Variants in SPAG17 observed in about 807,000 individuals in gnomAD.
The protein encoded by SPAG17 is sperm-associated antigen 17.
A neutral mutation model predicts 273.6 loss-of-function variants in SPAG17; 169 were observed. The ratio of observed to expected loss-of-function variants is 0.62; its 90% CI spans 0.55 to 0.70. SPAG17 has a LOEUF of 0.70. SPAG17 is among the 30% of genes least tolerant of loss of function. The probability of loss-of-function intolerance (pLI) is 0.00; values close to 1 mark genes in which losing one functional copy is unlikely to be tolerated. For synonymous variants in SPAG17, 825 were observed against 873.2 expected (o/e 0.94, Z 0.97); for missense variants, 2,557 against 2,627.8 (o/e 0.97, Z 0.59).
chr1:118,120,674 T>C (rs1657370239), intron 3 of SPAG17, among the ~76,000 whole-genome samples: 1 of 152,180 alleles, frequency 6.6e-6, no homozygotes, highest in Non-Finnish European at 1.5e-5. Context: ...TTTGTTTGGA[T>C]TTAGATAAAC....
chr1:118,074,284 G>A (rs1396671996), intron 16 of SPAG17, among the ~76,000 whole-genome samples: 1 of 152,252 alleles, frequency 6.6e-6, no homozygotes, highest in East Asian at 1.9e-4. Flanking sequence ...GTGAGCAGGT[G>A]TTTGTGAGGT....
At chr1:118,023,608 A>C in intron 27 of SPAG17, 145 bp from the exon 28 acceptor site, 1 of 548,802 alleles carries the variant, frequency 1.8e-6, no homozygotes, top group Non-Finnish European at 2.9e-6. Context: ...AGCAGCACAA[A>C]GTAGATTATA....
intron 3 of SPAG17, among the ~76,000 whole-genome samples, chr1:118,141,071 TTCTC>T (rs751456775): frequency 3.9e-5 from 6 of 152,238 alleles, no homozygotes; most frequent in Non-Finnish European, 8.8e-5. Flanking sequence ...TCCTCAGTAA[TTCTC>T]TCTGATTTAA....
intron 37 of SPAG17, 125 bp downstream of exon 37, chr1:117,991,290 A>G: frequency 1.8e-6 from 1 of 544,086 alleles, no homozygotes; most frequent in Non-Finnish European, 3.1e-6. Flanking sequence ...AAAATTGAAA[A>G]TTATGAGGAG....
intron 11 of SPAG17, 21 bp from the exon 12 acceptor site, chr1:118,086,805 T>C (rs1421442924): frequency 6.2e-7 from 1 of 1,613,930 alleles, no homozygotes; most frequent in Non-Finnish European, 8.5e-7. Flanking sequence ...TGAAACAATA[T>C]TGATTTAAAG....
Position 118,016,018 on chromosome 1 carries a change from C to G in SPAG17, c.4234G>C (p.Ala1412Pro), listed in dbSNP as rs78447966. Residue 1412 changes from alanine to proline, a missense_variant, in exon 29 of 49, where the codon GCA (alanine) becomes CCA (proline). Coordinates refer to ENST00000336338, the MANE Select transcript of SPAG17 (RefSeq NM_206996.4). ...RIGTKGLERI[A>P]DLTPLLSFQA... ...AAGGATAACAATGGGGTCAAGTCTG[C>G]TATTCTTTCTAATCCTTTGGTGCCG... The G allele has an allele frequency of 1.3e-5, 21 of 1,613,914 alleles. No homozygotes were observed. Among genetic ancestry groups the G allele is most frequent in the Middle Eastern group, 1.6e-4 (1 of 6,080 alleles).
intron 4 of SPAG17, among the ~76,000 whole-genome samples, chr1:118,107,156 G>A (rs1028526889): frequency 6.6e-6 from 1 of 152,196 alleles, no homozygotes; most frequent in Non-Finnish European, 1.5e-5. Flanking sequence ...ACACACAACT[G>A]TGGTAGAGAG....
intron 4 of SPAG17, among the ~76,000 whole-genome samples, chr1:118,112,657 T>A (rs908592299): frequency 6.6e-6 from 1 of 152,088 alleles, no homozygotes; most frequent in African/African-American, 2.4e-5. Context: ...TATTTTCAAA[T>A]AAATAAATGT....
chr1:118,116,181 C>T (rs569741948), intron 3 of SPAG17, among the ~76,000 whole-genome samples: 1 of 152,216 alleles, frequency 6.6e-6, no homozygotes, highest in Admixed American at 6.5e-5. Context: ...GGCCCTTTTC[C>T]TTGGAGCCCT....
chr1:118,178,989 T>C (rs757004469), intron 1 of SPAG17, among the ~76,000 whole-genome samples: 4 of 152,060 alleles, frequency 2.6e-5, no homozygotes, highest in Non-Finnish European at 5.9e-5. Context: ...CCCATGCTCA[T>C]GGATTGGAAG....
At chr1:117,956,495 T>G (rs976260262) in intron 48 of SPAG17, among the ~76,000 whole-genome samples, 3 of 152,188 alleles carry the variant, frequency 2.0e-5, no homozygotes, top group African/African-American at 7.2e-5. Context: ...ATGTGGAGGT[T>G]ACAATACATT....
chr1:118,081,732 C>A, intron 13 of SPAG17, 90 bp from the exon 14 acceptor site: 1 of 1,088,178 alleles, frequency 9.2e-7, no homozygotes, highest in South Asian at 1.4e-5. Flanking sequence ...AGTCTGTCTA[C>A]CAGAAAGACA....
At chr1:118,141,429 G>C (rs575064961) in intron 3 of SPAG17, among the ~76,000 whole-genome samples, 23 of 152,164 alleles carry the variant, frequency 1.5e-4, no homozygotes, top group Non-Finnish European at 2.8e-4. Context: ...GCACAGTGTT[G>C]GGGGAGTTGC....
intron 1 of SPAG17, among the ~76,000 whole-genome samples, chr1:118,162,080 C>T (rs1437710988): frequency 6.6e-6 from 1 of 152,140 alleles, no homozygotes; most frequent in Non-Finnish European, 1.5e-5. Flanking sequence ...TTAAGGACCA[C>T]GTGACAAAGT....
At chr1:118,086,519 T>C in intron 12 of SPAG17, 152 bp downstream of exon 12, 1 of 718,964 alleles carries the variant, frequency 1.4e-6, no homozygotes. Flanking sequence ...CTAGGTCCAT[T>C]TTCCAGGTCC....
chr1:117,971,795 G>A (rs1446582530), intron 45 of SPAG17, 68 bp downstream of exon 45: 13 of 1,350,272 alleles, frequency 9.6e-6, no homozygotes, highest in African/African-American at 1.5e-5. Flanking sequence ...TATTGATGGA[G>A]GTGACCAAAG....
chr1:118,016,222 T>C (rs1659965222), intron 28 of SPAG17, 40 bp from the exon 29 acceptor site: 1 of 1,483,344 alleles, frequency 6.7e-7, no homozygotes, highest in African/African-American at 1.4e-5. Context: ...ACAATATAAC[T>C]ATAGTATCAA....
intron 48 of SPAG17, chr1:117,959,019 T>C: frequency 6.2e-7 from 1 of 1,611,866 alleles, no homozygotes; most frequent in South Asian, 1.1e-5. Flanking sequence ...TGTCTTTGTA[T>C]AGAGATAAAA....
chr1:118,045,827 A>G (rs1167136750), intron 20 of SPAG17, among the ~76,000 whole-genome samples: 1 of 152,170 alleles, frequency 6.6e-6, no homozygotes, highest in Non-Finnish European at 1.5e-5. Context: ...ATTGTAGGAC[A>G]CCCAGTTGGT....
Sources: allele counts gnomAD v4.1 joint callset (sites outside exome capture counted in the v4.1 genomes callset), GRCh38; gene constraint gnomAD v4.1.1; transcripts MANE v1.5; gene names NCBI Gene and HGNC (gene_info 2026-07-23, HGNC 2026-07-21).